Variants in HAUS8 observed in about 807,000 individuals in gnomAD.
HAUS8 encodes the protein HAUS augmin-like complex subunit 8.
In HAUS8, 38 loss-of-function variants were observed where a neutral mutation model predicts 42.9. The ratio of observed to expected loss-of-function variants is 0.89; its 90% CI spans 0.68 to 1.16. The LOEUF (loss-of-function observed/expected upper bound fraction) is 1.16, where lower values mean the gene tolerates loss of function less well. HAUS8 is among the 50% of genes most tolerant of loss of function. HAUS8 has a pLI of 0.00. For synonymous variants in HAUS8, 199 were observed against 205.8 expected, an observed-to-expected ratio of 0.97 and a Z score of 0.28; for missense variants, 494 against 511.6, an observed-to-expected ratio of 0.97 and a Z score of 0.33.
rs1409800838 is a variant in HAUS8, at chr19:17,075,419, C to T, written c.4G>A (p.Ala2Thr). The T allele has an allele frequency of 6.2e-7, 1 of 1,613,766 alleles. No individual in the cohort carries two copies. The highest frequency in any genetic ancestry group is 1.3e-5 in the African/African-American group (1 of 74,938). M[A>T]DSSGRGAGKP... ...CCAGCGCCTCGCCCCGAGGAATCCG[C>T]CATTTTCCCGCCTTCCACCTCAAGG... Residue 2 changes from alanine to threonine, a missense_variant, in exon 1 of 11, where the codon GCG becomes ACG. Physicochemically the swap from Ala to Thr is moderately conservative, Grantham distance 58. Coordinates refer to ENST00000253669, the MANE Select transcript of HAUS8 (RefSeq NM_033417.2).
At chr19:17,055,339 C>CAAAAA (rs11315045) in intron 9 of HAUS8, among the ~76,000 whole-genome samples, 8 of 49,494 alleles carry the variant, frequency 1.6e-4, no homozygotes, top group African/African-American at 7.3e-4. Flanking sequence ...GATGCTGTCT[C>CAAAAA]AAAAAAAAAA....
At chr19:17,061,612 T>G (rs1356358418) in intron 4 of HAUS8, among the ~76,000 whole-genome samples, 1 of 152,232 alleles carries the variant, frequency 6.6e-6, no homozygotes, top group African/African-American at 2.4e-5. Flanking sequence ...AGCCATGGCA[T>G]TGCGAGCACA....
At chr19:17,051,436 C>A (rs1234490498) in intron 10 of HAUS8, among the ~76,000 whole-genome samples, 4 of 151,692 alleles carry the variant, frequency 2.6e-5, no homozygotes, top group African/African-American at 9.7e-5. Context: ...GGGGTCTGGA[C>A]GCACAAGGAT....
At chr19:17,053,828 A>AT (rs543131136) in intron 9 of HAUS8, 86 of 151,392 alleles carry the variant, frequency 5.7e-4, no homozygotes, top group East Asian at 9.7e-4. Flanking sequence ...ACACCTGGCT[A>AT]TTTTTTTTGT....
chr19:17,071,065 T>G (rs2057418842), intron 2 of HAUS8, among the ~76,000 whole-genome samples: 2 of 91,212 alleles, frequency 2.2e-5, no homozygotes, highest in African/African-American at 5.2e-5. Flanking sequence ...TTAGACTTTG[T>G]CTCATAAAAA....
upstream of HAUS8, chr19:17,075,522 T>A: frequency 7.5e-7 from 1 of 1,341,210 alleles, no homozygotes; most frequent in Non-Finnish European, 1.0e-6. Flanking sequence ...GCAGGAGGGG[T>A]GGCTGCGAGG....
chr19:17,070,230 T>C (rs1437497784), intron 2 of HAUS8, among the ~76,000 whole-genome samples: 1 of 151,418 alleles, frequency 6.6e-6, no homozygotes. Context: ...CCAGAACACC[T>C]TTGGACAAGA....
chr19:17,049,839 T>C lies in HAUS8; in HGVS notation c.*34A>G, dbSNP rs754413876. Reference sequence around the variant, plus strand: ...ATAGCTACAGTGCTACGGTAGTATATAAAGTGCTCAAGTATCCTGAATGTA... The same window carrying C: ...ATAGCTACAGTGCTACGGTAGTATACAAAGTGCTCAAGTATCCTGAATGTA... On this transcript the variant is annotated 3_prime_UTR_variant, in exon 11 of 11. Coordinates refer to ENST00000253669, the MANE Select transcript of HAUS8 (RefSeq NM_033417.2). The C allele has an allele frequency of 6.4e-6, 9 of 1,412,346 alleles. No individual in the cohort carries two copies. Among genetic ancestry groups the C allele is most frequent in the Admixed American group, 2.7e-5 (1 of 36,626 alleles). 87.5% of individuals were successfully genotyped at this position (1,412,346 alleles called of 1,614,324 possible).
intron 3 of HAUS8, among the ~76,000 whole-genome samples, chr19:17,064,788 G>A (rs929080133): frequency 3.3e-5 from 5 of 152,154 alleles, no homozygotes; most frequent in African/African-American, 1.2e-4. Flanking sequence ...CTGTGATCTT[G>A]GATTAGGTGG....
intron 8 of HAUS8, among the ~76,000 whole-genome samples, chr19:17,056,332 A>G (rs1165430218): frequency 6.6e-6 from 1 of 152,086 alleles, no homozygotes; most frequent in Non-Finnish European, 1.5e-5. Context: ...CCCACCCCAA[A>G]CATGCTGTCT....
chr19:17,059,980 T>A lies in HAUS8; in HGVS notation c.325+17A>T, dbSNP rs1008761149. On this transcript the variant is annotated intron_variant, in intron 5 of 10. Transcript: ENST00000253669. ...AACCCCCAGTGAGTGACAGAAGGGGTGAAACAAATGATTTACCATTAATAG... is the reference window on the plus strand; with the variant it reads ...AACCCCCAGTGAGTGACAGAAGGGGAGAAACAAATGATTTACCATTAATAG... 6.3e-7 allele frequency: 1 copy of A among 1,579,980 alleles called. No homozygotes were observed. Among genetic ancestry groups the A allele is most frequent in the African/African-American group, 1.4e-5 (1 of 73,916 alleles).
At chr19:17,064,315 C>T (rs1427680761) in intron 3 of HAUS8, among the ~76,000 whole-genome samples, 1 of 152,184 alleles carries the variant, frequency 6.6e-6, no homozygotes, top group Non-Finnish European at 1.5e-5. Flanking sequence ...AAGGCATTTG[C>T]CCTGATTTAT....
intron 9 of HAUS8, chr19:17,054,965 T>C (rs1040972949): frequency 2.0e-5 from 3 of 147,442 alleles, no homozygotes; most frequent in Non-Finnish European, 3.0e-5. Flanking sequence ...CGCTAGAAGA[T>C]TCCACCTCCG....
intron 1 of HAUS8, chr19:17,074,195 A>C (rs1445279827): frequency 1.3e-5 from 2 of 152,482 alleles, no homozygotes; most frequent in African/African-American, 4.8e-5. Context: ...AAGAACAGAC[A>C]CCAGCAACAC....
chr19:17,055,137 AAAAAAAATATATATATATAT>A (rs1194424358), intron 9 of HAUS8: 1 of 33,324 alleles, frequency 3.0e-5, no homozygotes, highest in Admixed American at 5.7e-4. Context: ...AAAAAAAAAA[AAAAAAAATATATATATATAT>A]ATATATATAT....
intron 8 of HAUS8, among the ~76,000 whole-genome samples, chr19:17,056,357 G>A (rs1387825551): frequency 6.6e-6 from 1 of 152,204 alleles, no homozygotes; most frequent in East Asian, 1.9e-4. Flanking sequence ...CTTCATGGGG[G>A]TTTGAAATGA....
Position 17,058,638 on chromosome 19 carries a change from CCTT to C in HAUS8, c.553_555del (p.Lys185del). The C allele has an allele frequency of 6.2e-7, 1 of 1,613,816 alleles. No individual in the cohort carries two copies. The stretch of plus-strand genomic sequence containing the variant: ...TCGTGGGCCTTTTTCTGTAGCTTCT[CCTT>C]CTCCTTACACATTATTAATAAATTC... On this transcript the variant is annotated inframe_deletion, in exon 8 of 11. Transcript: ENST00000253669.
intron 8 of HAUS8, among the ~76,000 whole-genome samples, chr19:17,057,439 C>T (rs2057333296): frequency 6.6e-6 from 1 of 152,100 alleles, no homozygotes; most frequent in South Asian, 2.1e-4. Flanking sequence ...ACATGCCTAA[C>T]TTTTTCTTAA....
At chr19:17,057,635 A>G (rs944188718) in intron 8 of HAUS8, among the ~76,000 whole-genome samples, 20 of 152,146 alleles carry the variant, frequency 1.3e-4, no homozygotes, top group African/African-American at 4.1e-4. Flanking sequence ...TGAGCTCCCT[A>G]AAGTCAGAGA....
Sources: gnomAD v4.1 joint callset for allele counts (sites outside exome capture counted in the v4.1 genomes callset) on GRCh38, gnomAD v4.1.1 for gene constraint, MANE v1.5 for transcripts, NCBI Gene and HGNC (gene_info 2026-07-23, HGNC 2026-07-21) for gene names.